LGSN: variants seen among roughly 807,000 people sequenced by gnomAD.
The protein encoded by LGSN is lengsin, lens protein with glutamine synthetase domain, also known as lengsin.
LGSN carries 21 observed loss-of-function variants against 19.5 expected under a neutral mutation model. That is an observed-to-expected ratio of 1.07 (90% CI 0.76 to 1.55). LGSN has a LOEUF of 1.55. Among genes scored for constraint, LGSN ranks in the 40% most tolerant of loss-of-function variants. The pLI is 0.00. For synonymous variants in LGSN, 257 were observed against 215.6 expected, an observed-to-expected ratio of 1.19 and a Z score of -1.68; for missense variants, 673 against 608.5, an observed-to-expected ratio of 1.11 and a Z score of -1.12.
the LGSN span, among the ~76,000 whole-genome samples, chr6:63,420,433 G>A: frequency 2.0e-5 from 3 of 152,142 alleles, no homozygotes; most frequent in East Asian, 1.9e-4. Context: ...AACACAGAAA[G>A]TGATTAAAGG....
chr6:63,441,477 A>G, the LGSN span: 1 of 437,950 alleles, frequency 2.3e-6, no homozygotes, highest in Non-Finnish European at 4.4e-6. Context: ...GTGAGAAGCC[A>G]TGGAAACAGC....
At chr6:63,353,599 A>G in the LGSN span, among the ~76,000 whole-genome samples, 1 of 149,596 alleles carries the variant, frequency 6.7e-6, no homozygotes, top group Non-Finnish European at 1.5e-5. Context: ...AAAAAAAAAA[A>G]AAAAAAAAGA....
chr6:63,432,175 GA>G, the LGSN span, among the ~76,000 whole-genome samples: 1 of 16,892 alleles, frequency 5.9e-5, no homozygotes, highest in Non-Finnish European at 1.1e-4. Flanking sequence ...GAAAGAAAAG[GA>G]AAGAAAGAAA....
the LGSN span, chr6:63,572,229 T>C: frequency 6.1e-6 from 1 of 164,758 alleles, no homozygotes; most frequent in Non-Finnish European, 1.3e-5. Context: ...CCTTCTTAAC[T>C]TCAGGCTTCC....
At chr6:63,527,343 G>A in the LGSN span, among the ~76,000 whole-genome samples, 9 of 152,122 alleles carry the variant, frequency 5.9e-5, no homozygotes, top group East Asian at 3.9e-4. Context: ...ACAGATTCTC[G>A]TATCACCACA....
At chr6:63,356,638 A>G in the LGSN span, among the ~76,000 whole-genome samples, 1 of 152,160 alleles carries the variant, frequency 6.6e-6, no homozygotes, top group Non-Finnish European at 1.5e-5. Context: ...AGGTAGTCAA[A>G]GATGTGACAT....
At chr6:63,454,473 T>C in the LGSN span, among the ~76,000 whole-genome samples, 1 of 145,308 alleles carries the variant, frequency 6.9e-6, no homozygotes, top group East Asian at 2.0e-4. Context: ...ACATTTTCTT[T>C]TTTTTTTTTT....
the LGSN span, among the ~76,000 whole-genome samples, chr6:63,407,932 G>C: frequency 6.6e-6 from 1 of 152,248 alleles, no homozygotes; most frequent in African/African-American, 2.4e-5. Context: ...ATTCACAACT[G>C]CTTCAAAGAG....
At chr6:63,528,648 C>T in the LGSN span, among the ~76,000 whole-genome samples, 1 of 152,092 alleles carries the variant, frequency 6.6e-6, no homozygotes, top group Non-Finnish European at 1.5e-5. Flanking sequence ...GTCATCCCAG[C>T]TACTCAGGAG....
chr6:63,437,373 T>C, the LGSN span, among the ~76,000 whole-genome samples: 1 of 152,168 alleles, frequency 6.6e-6, no homozygotes, highest in African/African-American at 2.4e-5. Context: ...TCTATTGCTT[T>C]GCACTCCCCA....
chr6:63,323,609 T>G (rs920658358), upstream of LGSN, among the ~76,000 whole-genome samples: 4 of 117,520 alleles, frequency 3.4e-5, no homozygotes, highest in African/African-American at 1.2e-4. Flanking sequence ...CACACACAGG[T>G]TATGTTAATC....
the LGSN span, among the ~76,000 whole-genome samples, chr6:63,428,923 C>T: frequency 6.6e-6 from 1 of 152,124 alleles, no homozygotes; most frequent in Admixed American, 6.5e-5. Context: ...GTGGTGCACA[C>T]CTATAGTCCC....
At chr6:63,522,695 A>G in the LGSN span, among the ~76,000 whole-genome samples, 2 of 152,096 alleles carry the variant, frequency 1.3e-5, no homozygotes, top group African/African-American at 4.8e-5. Flanking sequence ...GGGGATTCCT[A>G]TTGCTCATAT....
the LGSN span, among the ~76,000 whole-genome samples, chr6:63,428,968 C>A: frequency 2.0e-5 from 3 of 152,042 alleles, no homozygotes; most frequent in Non-Finnish European, 4.4e-5. Flanking sequence ...CCTGAGCTAC[C>A]CAGGAGTTTG....
At chr6:63,480,251 G>A in the LGSN span, 1 of 218,416 alleles carries the variant, frequency 4.6e-6, no homozygotes, top group Non-Finnish European at 1.0e-5. Flanking sequence ...AGTAATTGAA[G>A]CAGTCTCCAG....
chr6:63,538,699 A>C, the LGSN span, among the ~76,000 whole-genome samples: 11 of 152,182 alleles, frequency 7.2e-5, no homozygotes, highest in Non-Finnish European at 1.2e-4. Flanking sequence ...TGCCTACAAT[A>C]GTTCAAAACA....
chr6:63,482,023 C>T, the LGSN span: 1 of 154,824 alleles, frequency 6.5e-6, no homozygotes, highest in Admixed American at 6.5e-5. Context: ...TGTCTTCTGG[C>T]ATGTTTATTC....
chr6:63,440,784 G>A, the LGSN span: 75,397 of 158,688 alleles, frequency 0.48, 19,126 homozygotes, highest in Middle Eastern at 0.55. Context: ...CGCAGATAGC[G>A]AGGGCGGAAA....
At chr6:63,364,045 A>T in the LGSN span, among the ~76,000 whole-genome samples, 2 of 152,222 alleles carry the variant, frequency 1.3e-5, no homozygotes, top group Non-Finnish European at 2.9e-5. Context: ...ACCAGCTAAC[A>T]TCATAATGAC....
Sources: allele counts gnomAD v4.1 joint callset (sites outside exome capture counted in the v4.1 genomes callset), GRCh38; gene constraint gnomAD v4.1.1; transcripts MANE v1.5; gene names NCBI Gene and HGNC (gene_info 2026-07-23, HGNC 2026-07-21).